NAALADL2: variants seen among roughly 807,000 people sequenced by gnomAD.
The protein encoded by NAALADL2 is inactive N-acetylated-alpha-linked acidic dipeptidase-like protein 2.
NAALADL2 carries 76 observed loss-of-function variants against 87.2 expected under a neutral mutation model. That is an observed-to-expected ratio of 0.87 (90% CI 0.72 to 1.05). The LOEUF is 1.05. Ranked by LOEUF, NAALADL2 falls within the 50% of genes least tolerant of loss-of-function variation. NAALADL2 has a pLI of 0.00. For missense variants in NAALADL2, 1,089 were observed against 945.8 expected (o/e 1.15, Z -1.99); for synonymous variants, 354 against 331.0 (o/e 1.07, Z -0.75).
chr3:175,480,419 A>G (rs960487415), intron 9 of NAALADL2, among the ~76,000 whole-genome samples: 1 of 151,822 alleles, frequency 6.6e-6, no homozygotes, highest in African/African-American at 2.4e-5. Flanking sequence ...ATCAATGGTA[A>G]CTCCAGAAGG....
intron 1 of NAALADL2, among the ~76,000 whole-genome samples, chr3:174,503,394 TAATTAA>T (rs1719021764): frequency 6.6e-6 from 1 of 152,178 alleles, no homozygotes; most frequent in South Asian, 2.1e-4. Context: ...TGCCAGTCAG[TAATTAA>T]AACAACACAA....
At chr3:174,799,223 T>A (rs1718512186) in intron 3 of NAALADL2, among the ~76,000 whole-genome samples, 9 of 152,142 alleles carry the variant, frequency 5.9e-5, no homozygotes, top group Admixed American at 5.9e-4. Flanking sequence ...GATGCATTGT[T>A]TTTTCTTGCC....
At chr3:175,673,543 T>C (rs142432303) in intron 11 of NAALADL2, among the ~76,000 whole-genome samples, 1,901 of 140,818 alleles carry the variant, frequency 0.013, 43 homozygotes, top group African/African-American at 0.056. Context: ...TTTTGTATTT[T>C]TTGTGTGTAA....
chr3:175,725,376 T>C (rs1382102704), intron 11 of NAALADL2, among the ~76,000 whole-genome samples: 1 of 152,174 alleles, frequency 6.6e-6, no homozygotes, highest in Non-Finnish European at 1.5e-5. Context: ...TTGCAACTAC[T>C]CTAGGGTATC....
chr3:175,194,911 A>G (rs943902770), intron 2 of NAALADL2, among the ~76,000 whole-genome samples: 4 of 151,822 alleles, frequency 2.6e-5, no homozygotes, highest in Non-Finnish European at 5.9e-5. Context: ...GTTTAAAATT[A>G]TACAAGAGTC....
intron 2 of NAALADL2, among the ~76,000 whole-genome samples, chr3:175,130,630 C>G (rs949032002): frequency 1.3e-5 from 2 of 152,120 alleles, no homozygotes; most frequent in African/African-American, 4.8e-5. Flanking sequence ...TTCTTGGCAC[C>G]CTTATCAAAT....
chr3:175,448,093 C>A (rs111657401), intron 6 of NAALADL2, among the ~76,000 whole-genome samples: 12 of 152,260 alleles, frequency 7.9e-5, no homozygotes, highest in African/African-American at 2.4e-4. Context: ...AACTGTTTTT[C>A]TCTTGACAAC....
At chr3:174,727,369 T>G (rs73884704) in intron 2 of NAALADL2, among the ~76,000 whole-genome samples, 12,218 of 152,080 alleles carry the variant, frequency 0.08, 530 homozygotes, top group Middle Eastern at 0.14. Context: ...TAATGTTCAC[T>G]CATTTTTGAT....
intron 1 of NAALADL2, among the ~76,000 whole-genome samples, chr3:174,927,233 A>G (rs1187223055): frequency 6.6e-6 from 1 of 152,146 alleles, no homozygotes; most frequent in East Asian, 1.9e-4. Flanking sequence ...CTACAACGAG[A>G]CTTAGACTCC....
intron 11 of NAALADL2, among the ~76,000 whole-genome samples, chr3:175,679,062 G>A (rs1182585422): frequency 6.6e-6 from 1 of 151,922 alleles, no homozygotes; most frequent in Non-Finnish European, 1.5e-5. Flanking sequence ...GTCACAAGGT[G>A]CTCAGTGGGG....
chr3:175,182,701 G>T (rs1333818326), intron 2 of NAALADL2, among the ~76,000 whole-genome samples: 1 of 150,954 alleles, frequency 6.6e-6, no homozygotes, highest in Non-Finnish European at 1.5e-5. Flanking sequence ...CTGCCAAAAG[G>T]GTTTTTTGTG....
intron 5 of NAALADL2, among the ~76,000 whole-genome samples, chr3:175,364,514 T>C (rs950687729): frequency 7.4e-5 from 11 of 147,748 alleles, no homozygotes; most frequent in African/African-American, 2.7e-4. Context: ...TTTTTTAAAT[T>C]CTTGTTTAAA....
At chr3:174,854,570 A>T (rs981702149), upstream of NAALADL2, among the ~76,000 whole-genome samples, 33 of 152,148 alleles carry the variant, frequency 2.2e-4, no homozygotes, top group African/African-American at 7.7e-4. Flanking sequence ...TGAATACTGG[A>T]TGTGAATGAT....
chr3:175,007,579 G>C (rs1183431231), intron 1 of NAALADL2, among the ~76,000 whole-genome samples: 1 of 152,132 alleles, frequency 6.6e-6, no homozygotes, highest in Non-Finnish European at 1.5e-5. Flanking sequence ...CTTCATTTTA[G>C]AAACATTTCC....
chr3:174,516,487 A>G (rs1640985459), intron 1 of NAALADL2, among the ~76,000 whole-genome samples: 1 of 151,974 alleles, frequency 6.6e-6, no homozygotes, highest in South Asian at 2.1e-4. Flanking sequence ...ACTAACCTAG[A>G]GTTGGGTTTA....
chr3:175,378,546 A>G (rs1767426970), intron 5 of NAALADL2, among the ~76,000 whole-genome samples: 1 of 152,124 alleles, frequency 6.6e-6, no homozygotes, highest in Non-Finnish European at 1.5e-5. Context: ...CACAGCTTAG[A>G]TTGCATCTGA....
chr3:175,295,389 C>G (rs1297875327), intron 4 of NAALADL2, among the ~76,000 whole-genome samples: 2 of 152,050 alleles, frequency 1.3e-5, no homozygotes, highest in African/African-American at 4.8e-5. Context: ...TTTTCCTGTG[C>G]CCTTTCTACT....
chr3:175,705,811 C>T (rs1232597270), intron 11 of NAALADL2, among the ~76,000 whole-genome samples: 1 of 152,050 alleles, frequency 6.6e-6, no homozygotes, highest in Non-Finnish European at 1.5e-5. Flanking sequence ...GACCCAGACC[C>T]AGATCATCTC....
chr3:175,609,483 T>C (rs962964751), intron 10 of NAALADL2: 3 of 152,122 alleles, frequency 2.0e-5, no homozygotes, highest in African/African-American at 7.2e-5. Flanking sequence ...GTAGTTAGCT[T>C]TGTGCAGTGG....
Sources: allele counts gnomAD v4.1 joint callset (sites outside exome capture counted in the v4.1 genomes callset), GRCh38; gene constraint gnomAD v4.1.1; transcripts MANE v1.5; gene names NCBI Gene and HGNC (gene_info 2026-07-23, HGNC 2026-07-21).